MAPK3: variants seen among roughly 807,000 people sequenced by gnomAD.
MAPK3 encodes MAPK 1.
MAPK3 carries 30 observed loss-of-function variants against 41.8 expected under a neutral mutation model. The ratio of observed to expected loss-of-function variants is 0.72; its 90% CI spans 0.54 to 0.97. MAPK3 has a LOEUF of 0.97. Among genes scored for constraint, MAPK3 ranks in the 50% least tolerant of loss-of-function variants. The pLI is 0.00. For synonymous variants in MAPK3, 222 were observed against 213.4 expected, an observed-to-expected ratio of 1.04 and a Z score of -0.35; for missense variants, 413 against 509.9, an observed-to-expected ratio of 0.81 and a Z score of 1.83.
chr16:30,118,647 T>C (rs963572635), intron 2 of MAPK3, 109 bp from the exon 3 acceptor site: 12 of 831,992 alleles, frequency 1.4e-5, no homozygotes, highest in Non-Finnish European at 2.0e-5. Flanking sequence ...CCAGGGCCCC[T>C]GGGACTCAAT....
At chr16:30,118,320 AG>A in intron 3 of MAPK3, 28 bp downstream of exon 3, 1 of 1,600,920 alleles carries the variant, frequency 6.2e-7, no homozygotes, top group South Asian at 1.1e-5. Context: ...ACCCTGGGGG[AG>A]GAGGGGACAG....
Position 30,116,585 on chromosome 16 carries a change from T to C in MAPK3, c.*32+51A>G, listed in dbSNP as rs936634365. ...ATAGATATAGATATAGATATACAGA[T>C]ATAGATATTTAGTATCAGGGTGTCC... On this transcript the variant is annotated intron_variant, in intron 8 of 8. Transcript: ENST00000263025. 5 of 1,543,466 alleles carry C rather than the reference T, an allele frequency of 3.2e-6. No individual in the cohort carries two copies. The African/African-American group carries it at 6.8e-5, about 21-fold the overall frequency.
At position 30,120,682 on chromosome 16, in the gene MAPK3, CTT is replaced by C. The variant is rs34799400; in HGVS notation, c.353+1140_353+1141del. ...GTTTTCTGAGCCTTAGCTTCCTCAT[CTT>C]TTTTTTTTTTTTTTTTTTTGACAGG... On this transcript the variant is annotated intron_variant, in intron 2 of 8. Coordinates refer to ENST00000263025, the MANE Select transcript of MAPK3 (RefSeq NM_002746.3). Among the ~76,000 whole-genome samples, 565 of 113,162 alleles carry C rather than the reference CTT, an allele frequency of 5.0e-3. 1 individual carries two copies. Among genetic ancestry groups the C allele is most frequent in the East Asian group, 6.6e-3 (24 of 3,622 alleles). 74.2% of individuals were successfully genotyped at this position (113,162 alleles called of 152,430 possible). A position where few individuals can be genotyped will look rare whatever the true frequency, so the allele number is the denominator to read the frequency against.
At chr16:30,117,913 T>G in intron 4 of MAPK3, 129 bp from the exon 5 acceptor site, 1 of 1,090,644 alleles carries the variant, frequency 9.2e-7, no homozygotes, top group South Asian at 1.3e-5. Flanking sequence ...GGCTCAATGC[T>G]CAGCTTCCTT....
chr16:30,122,243 T>C, intron 1 of MAPK3: 1 of 574,972 alleles, frequency 1.7e-6, no homozygotes, highest in Admixed American at 3.0e-5. Context: ...GACCGCTCAC[T>C]GACTTCCCCT....
intron 2 of MAPK3, 30 bp downstream of exon 2, chr16:30,121,792 CTG>C (rs1437233507): frequency 1.5e-5 from 24 of 1,604,474 alleles, no homozygotes; most frequent in African/African-American, 2.7e-5. Context: ...GAGGCCGTGC[CTG>C]ACCAGCCGAC....
In MAPK3 at chr16:30,117,709, G is replaced by A. The variant is rs1187527463; in HGVS notation, c.736C>T (p.Pro246Ser). The change falls in exon 5 of 9, where the codon CCT becomes TCT. Residue 246 changes from proline to serine, a missense_variant. Pro to Ser is a moderately conservative substitution (Grantham distance 74). Coordinates refer to ENST00000263025, the MANE Select transcript of MAPK3 (RefSeq NM_002746.3). ...AGCTGATCCAGGTAGTGCTTGCCAG[G>A]GAAGATGGGCCGGTTAGAGAGCATC... ...AEMLSNRPIF[P>S]GKHYLDQLNH... 1 of 1,613,974 alleles carries A rather than the reference G, an allele frequency of 6.2e-7. No homozygotes were observed. Among genetic ancestry groups the A allele is most frequent in the African/African-American group, 1.3e-5 (1 of 74,892 alleles).
chr16:30,117,983 G>A, intron 4 of MAPK3, 64 bp downstream of exon 4: 2 of 1,443,090 alleles, frequency 1.4e-6, no homozygotes, highest in Non-Finnish European at 1.9e-6. Context: ...GTCTGGCTCA[G>A]AGGTAGCTCC....
At chr16:30,122,731 C>G (rs888600616) in intron 1 of MAPK3, 3 of 298,722 alleles carry the variant, frequency 1.0e-5, no homozygotes, top group Admixed American at 5.0e-5. Context: ...GAGTACTCAT[C>G]CTCTGGGCCT....
chr16:30,117,802 G>C lies in MAPK3; in HGVS notation c.661-18C>G, dbSNP rs1438758552. On this transcript the variant is annotated intron_variant, in intron 4 of 8. Coordinates refer to ENST00000263025, the MANE Select transcript of MAPK3 (RefSeq NM_002746.3). The stretch of plus-strand genomic sequence containing the variant: ...GTATAGCCCTGGGGGAGAGGAGGAA[G>C]TGGTGAGCTCCTGGGCCAGCCTCAA... 2 of 1,582,996 alleles carry C rather than the reference G, an allele frequency of 1.3e-6. No homozygotes were observed. The highest frequency in any genetic ancestry group is 1.1e-5 in the South Asian group (1 of 90,394).
rs772136444 is a variant in MAPK3, at chr16:30,121,949, G to A, written c.228C>T (p.Phe76=). ...TGCGCTGGCAGTAGGTCTGATGTTC[G>A]AAGGGGCTGATCTTCTTGATGGCCA... ...TRVAIKKISP[F]EHQTYCQRTL... Residue 76 remains phenylalanine (F), a synonymous_variant, in exon 2 of 9, where the codon TTC becomes TTT. Transcript: ENST00000263025. 3 of 1,614,194 alleles carry A rather than the reference G, an allele frequency of 1.9e-6. No homozygotes were observed. The highest frequency in any genetic ancestry group is 1.1e-5 in the South Asian group (1 of 91,084).
chr16:30,119,654 T>C (rs2072996435), intron 2 of MAPK3, among the ~76,000 whole-genome samples: 1 of 152,144 alleles, frequency 6.6e-6, no homozygotes, highest in Admixed American at 6.6e-5. Context: ...TAAAAATAAA[T>C]GCCTGCCTTA....
Position 30,117,777 on chromosome 16 carries a change from G to A in MAPK3, c.668C>T (p.Thr223Ile). The part of the protein sequence containing the change: ...PEIMLNSKGY[T>I]KSIDIWSVGC... Reference sequence around the variant, plus strand: ...CACAGACCAGATGTCGATGGACTTGGTATAGCCCTGGGGGAGAGGAGGAAG... The same window carrying A: ...CACAGACCAGATGTCGATGGACTTGATATAGCCCTGGGGGAGAGGAGGAAG... The change falls in exon 5 of 9, where the codon ACC becomes ATC. Residue 223 changes from threonine to isoleucine, a missense_variant. This residue lies in a region of MAPK3 where 140 missense variants were observed against 206.0 expected (regional missense o/e 0.68). Transcript: ENST00000263025. The A allele has an allele frequency of 6.2e-7, 1 of 1,612,748 alleles. No individual in the cohort carries two copies. The highest frequency in any genetic ancestry group is 8.5e-7 in the Non-Finnish European group (1 of 1,178,788).
At position 30,117,776 on chromosome 16, in the gene MAPK3, G is replaced by T. The variant is rs1171480940; in HGVS notation, c.669C>A (p.Thr223=). 1.2e-6 allele frequency: 2 copies of T among 1,612,912 alleles called. No individual in the cohort carries two copies. Among genetic ancestry groups the T allele is most frequent in the Non-Finnish European group, 1.7e-6 (2 of 1,178,940 alleles). The change falls in exon 5 of 9, where the codon ACC becomes ACA. Residue 223 remains threonine (T), a synonymous_variant. Transcript: ENST00000263025. ...PEIMLNSKGY[T]KSIDIWSVGC... is the part of the protein sequence containing the mutation. ...CCACAGACCAGATGTCGATGGACTT[G>T]GTATAGCCCTGGGGGAGAGGAGGAA...
At chr16:30,120,472 G>A (rs938360128) in intron 2 of MAPK3, among the ~76,000 whole-genome samples, 3 of 152,160 alleles carry the variant, frequency 2.0e-5, no homozygotes, top group African/African-American at 7.2e-5. Context: ...CAGACAGGAA[G>A]TGGACAGCAA....
rs2072982035 is a variant in MAPK3, at chr16:30,118,434, C to T, written c.458G>A (p.Gly153Asp). The T allele has an allele frequency of 6.2e-7, 1 of 1,613,898 alleles. No homozygotes were observed. The highest frequency in any genetic ancestry group is 8.5e-7 in the Non-Finnish European group (1 of 1,179,950). ...ICYFLYQILR[G>D]LKYIHSANVL... ...GTTGGCGGAGTGGATGTACTTGAGG[C>T]CCCGCAGGATCTGGTAGAGGAAGTA... The change falls in exon 3 of 9, where the codon GGC (glycine) becomes GAC (aspartate). Residue 153 changes from glycine (G) to aspartate (D), a missense_variant. Coordinates refer to ENST00000263025, the MANE Select transcript of MAPK3 (RefSeq NM_002746.3).
In MAPK3 at chr16:30,117,266, G is replaced by A; in HGVS notation, c.795C>T (p.Ser265=). 3 of 1,614,048 alleles carry A rather than the reference G, an allele frequency of 1.9e-6. No homozygotes were observed. The highest frequency in any genetic ancestry group is 2.5e-6 in the Non-Finnish European group (3 of 1,179,988). Reference sequence around the variant, plus strand: ...TGATGATACAATTCAGGTCCTCCTGGGATGGGGAGCCCAGGATGCCTGTGG... The same window carrying A: ...TGATGATACAATTCAGGTCCTCCTGAGATGGGGAGCCCAGGATGCCTGTGG... ...NHILGILGSP[S]QEDLNCIINM... Residue 265 remains serine, a synonymous_variant, in exon 6 of 9, where the codon TCC becomes TCT. Coordinates refer to ENST00000263025, the MANE Select transcript of MAPK3 (RefSeq NM_002746.3).
At position 30,117,296 on chromosome 16, in the gene MAPK3, G is replaced by C; in HGVS notation, c.776-11C>G. 3 of 1,613,600 alleles carry C rather than the reference G, an allele frequency of 1.9e-6. No individual in the cohort carries two copies. The highest frequency in any genetic ancestry group is 1.1e-5 in the South Asian group (1 of 90,954). ...GGGAGCCCAGGATGCCTGTGGATAA[G>C]GAGGTGACTTGGTAAATGATCACCT... On this transcript the variant is annotated splice_polypyrimidine_tract_variant and intron_variant, in intron 5 of 8. Transcript: ENST00000263025.
intron 3 of MAPK3, 44 bp from the exon 4 acceptor site, chr16:30,118,207 G>A: frequency 6.3e-7 from 1 of 1,586,920 alleles, no homozygotes; most frequent in Non-Finnish European, 8.6e-7. Context: ...CAAGGCCTCT[G>A]CAGCCTAAGC....
Sources: gnomAD v4.1 joint callset for allele counts (sites outside exome capture counted in the v4.1 genomes callset) on GRCh38, gnomAD v4.1.1 for gene constraint, gnomAD v4.1.1 regional missense constraint, MANE v1.5 for transcripts, NCBI Gene and HGNC (gene_info 2026-07-23, HGNC 2026-07-21) for gene names.